Variants in EPRS1 observed in about 807,000 individuals in gnomAD.
EPRS1 encodes the protein glutamyl-prolyl-tRNA synthetase 1.
EPRS1 carries 107 observed loss-of-function variants against 188.3 expected under a neutral mutation model. The ratio of observed to expected loss-of-function variants is 0.57; its 90% CI spans 0.49 to 0.67. EPRS1 has a LOEUF of 0.67. Ranked by LOEUF, EPRS1 falls within the 30% of genes least tolerant of loss-of-function variation. The pLI, the probability that EPRS1 is intolerant of heterozygous loss-of-function variation, is 0.00. For missense variants in EPRS1, 1,577 were observed against 1,802.2 expected (o/e 0.88, Z 2.26); for synonymous variants, 596 against 593.1 (o/e 1.00, Z -0.07).
intron 2 of EPRS1, among the ~76,000 whole-genome samples, 194 bp downstream of exon 2, chr1:220,039,991 G>C (rs1222999479): frequency 6.6e-6 from 1 of 152,198 alleles, no homozygotes; most frequent in Admixed American, 6.5e-5. Context: ...TAATTAGCCA[G>C]GTGTGGAGGC....
Position 220,046,396 on chromosome 1 carries a change from A to C in EPRS1, c.-8T>G, listed in dbSNP as rs375349074. The stretch of plus-strand genomic sequence containing the variant: ...CAGAGAGAGCGTCGCCATCTCCACC[A>C]GTCCGCTGGTCCACCTGTCAGTACG... On this transcript the variant is annotated 5_prime_UTR_variant, in exon 1 of 32. Transcript: ENST00000366923. 288 of 1,613,934 alleles carry C rather than the reference A, an allele frequency of 1.8e-4. 1 individual carries two copies. The African/African-American group carries it at 3.7e-3, about 21-fold the overall frequency.
chr1:220,013,050 A>G (rs1184049030), intron 12 of EPRS1, among the ~76,000 whole-genome samples: 1 of 152,240 alleles, frequency 6.6e-6, no homozygotes, highest in Non-Finnish European at 1.5e-5. Flanking sequence ...CTACTGAAAT[A>G]CATACATTTT....
chr1:220,027,634 T>C (rs1022852373), intron 6 of EPRS1, among the ~76,000 whole-genome samples: 1 of 137,580 alleles, frequency 7.3e-6, no homozygotes, highest in Non-Finnish European at 1.6e-5. Context: ...CAAAGACTAA[T>C]GCAAACAACT....
At position 219,996,982 on chromosome 1, in the gene EPRS1, C is replaced by A. The variant is rs774839622; in HGVS notation, c.2541+1G>T. On this transcript the variant is annotated splice_donor_variant, in intron 18 of 31. Transcript: ENST00000366923. LOFTEE classifies it high-confidence loss of function. ...GTCTTGACTTTCTCTAACATACTGA[C>A]CTTAGGGGATTTTTCAGCTTTTAGC... 17 of 1,588,482 alleles carry A rather than the reference C, an allele frequency of 1.1e-5. No homozygotes were observed. The highest frequency in any genetic ancestry group is 1.7e-5 in the Admixed American group (1 of 57,786).
chr1:219,996,653 A>T, intron 18 of EPRS1, among the ~76,000 whole-genome samples: 1 of 152,162 alleles, frequency 6.6e-6, no homozygotes, highest in East Asian at 1.9e-4. Flanking sequence ...GGATGATTTT[A>T]AATATCCTTT....
At chr1:220,020,824 TTATA>T (rs71169429) in intron 9 of EPRS1, among the ~76,000 whole-genome samples, 272 of 109,078 alleles carry the variant, frequency 2.5e-3, no homozygotes, top group African/African-American at 4.8e-3. Context: ...CAATTTGAAT[TTATA>T]TATATATATA....
rs1431962517 is a variant in EPRS1 at position 219,978,595 on chromosome 1, A to G, written c.4034T>C (p.Leu1345Ser). Residue 1345 changes from leucine to serine, a missense_variant, in exon 28 of 32, where the codon TTA (leucine) becomes TCA (serine). Coordinates refer to ENST00000366923, the MANE Select transcript of EPRS1 (RefSeq NM_004446.3). ...CCAACCTGGAGAATAATTATCTCGT[A>G]AATCAGCTCTAACGCGGATGTTAAC... ...LSVNIRVRAD[L>S]RDNYSPGWKF... The G allele has an allele frequency of 1.2e-6, 2 of 1,602,830 alleles. No homozygotes were observed. Among genetic ancestry groups the G allele is most frequent in the East Asian group, 2.3e-5 (1 of 44,138 alleles).
intron 28 of EPRS1, among the ~76,000 whole-genome samples, chr1:219,975,656 C>G (rs1021769787): frequency 3.3e-5 from 5 of 152,014 alleles, no homozygotes; most frequent in Non-Finnish European, 7.4e-5. Flanking sequence ...AGGCTGGTGG[C>G]GAAATCCTGA....
intron 28 of EPRS1, among the ~76,000 whole-genome samples, chr1:219,977,798 G>A (rs1660808111): frequency 1.3e-5 from 2 of 152,120 alleles, no homozygotes; most frequent in African/African-American, 4.8e-5. Flanking sequence ...AACCCTAGAT[G>A]TATAAATACC....
At chr1:220,027,723 CT>C (rs1255075921) in intron 6 of EPRS1, among the ~76,000 whole-genome samples, 4 of 151,990 alleles carry the variant, frequency 2.6e-5, no homozygotes, top group African/African-American at 9.7e-5. Flanking sequence ...TGGCTCATGC[CT>C]GTAATCCCGA....
At chr1:220,042,045 G>A (rs1252056385) in intron 1 of EPRS1, among the ~76,000 whole-genome samples, 1 of 152,026 alleles carries the variant, frequency 6.6e-6, no homozygotes, top group Non-Finnish European at 1.5e-5. Context: ...GCTGGGCGTG[G>A]CAGCACAGGC....
chr1:220,005,643 T>C (rs996622766), intron 15 of EPRS1, among the ~76,000 whole-genome samples: 1 of 152,132 alleles, frequency 6.6e-6, no homozygotes, highest in Non-Finnish European at 1.5e-5. Flanking sequence ...ATATGAAATA[T>C]GATGCAAGAA....
Position 220,035,576 on chromosome 1 carries a change from C to A in EPRS1, c.132-563G>T, listed in dbSNP as rs867067756. Among the ~76,000 whole-genome samples, 15 of 152,268 alleles carry A rather than the reference C, an allele frequency of 9.9e-5. No individual in the cohort carries two copies. The Middle Eastern group carries it at 0.01, about 104-fold the overall frequency. On this transcript the variant is annotated intron_variant, in intron 2 of 31. Transcript: ENST00000366923. ...AAGTGTGGTGACTCACACCTGTAAT[C>A]CCAGTACTTTGGGAGGCCAAGACGG...
Position 220,009,758 on chromosome 1 carries a change from C to A in EPRS1, c.1605+1188G>T, listed in dbSNP as rs184602086. Among the ~76,000 whole-genome samples the A allele has an allele frequency of 4.9e-3, 743 of 151,946 alleles. 7 individuals are homozygous for A. The highest frequency in any genetic ancestry group is 0.017 in the African/African-American group (696 of 41,444). On this transcript the variant is annotated intron_variant, in intron 13 of 31. Transcript: ENST00000366923. ...AGCAGTCATAAGGATCTGGGATGAC[C>A]ACAGCTTAACAAAAAAGTACTCTAT...
At chr1:220,029,677 T>G (rs1224814291) in intron 6 of EPRS1, among the ~76,000 whole-genome samples, 1 of 152,248 alleles carries the variant, frequency 6.6e-6, no homozygotes, top group Non-Finnish European at 1.5e-5. Context: ...CTAACTGCTT[T>G]AATAAGAGGT....
chr1:220,034,858 C>G (rs1345915736), intron 3 of EPRS1, 56 bp downstream of exon 3: 1 of 943,076 alleles, frequency 1.1e-6, no homozygotes, highest in Non-Finnish European at 1.8e-6. Context: ...ATGAGGTTCC[C>G]ATAAAAAAAC....
At chr1:220,042,384 G>A (rs1662313667) in intron 1 of EPRS1, among the ~76,000 whole-genome samples, 2 of 151,396 alleles carry the variant, frequency 1.3e-5, no homozygotes, top group Admixed American at 6.6e-5. Flanking sequence ...TTGGGAGGCT[G>A]AGGCAGGAGA....
intron 13 of EPRS1, among the ~76,000 whole-genome samples, chr1:220,009,680 T>C (rs533826727): frequency 6.6e-6 from 1 of 150,640 alleles, no homozygotes; most frequent in South Asian, 2.1e-4. Context: ...GCAAGGCCCA[T>C]TTCAAAATTA....
intron 9 of EPRS1, among the ~76,000 whole-genome samples, chr1:220,021,789 T>A (rs1247281955): frequency 6.6e-6 from 1 of 152,222 alleles, no homozygotes; most frequent in East Asian, 1.9e-4. Flanking sequence ...GAAATTTTAA[T>A]TCAGCATTTA....
Sources: gnomAD v4.1 joint callset for allele counts (sites outside exome capture counted in the v4.1 genomes callset) on GRCh38, gnomAD v4.1.1 for gene constraint, MANE v1.5 for transcripts, NCBI Gene and HGNC (gene_info 2026-07-23, HGNC 2026-07-21) for gene names.